The following BNC2 variants were observed in gnomAD, a reference collection of about 807,000 sequenced individuals.
The protein encoded by BNC2 is basonuclin zinc finger protein 2.
Under a neutral mutation model 76.3 loss-of-function variants are expected in BNC2, and 20 were observed. The ratio of observed to expected loss-of-function variants is 0.26; its 90% confidence interval spans 0.18 to 0.38. The LOEUF is 0.38. Ranked by LOEUF, BNC2 falls within the 10% of genes least tolerant of loss-of-function variation. The pLI is 1.00. For synonymous variants in BNC2, 582 were observed against 514.8 expected (o/e 1.13, Z -1.77); for missense variants, 1,382 against 1,399.8 (o/e 0.99, Z 0.20).
rs138893483 is a variant in BNC2 at position 16,805,335 on chromosome 9, T to C, written c.3+65311A>G. On this transcript the variant is annotated intron_variant, in intron 1 of 6. Coordinates refer to ENST00000380672, the MANE Select transcript of BNC2 (RefSeq NM_017637.6). ...AGGAAATTCATTATTTTTTTGTTGG[T>C]TTTTTTTTGAGACAGGGTTTAGCTC... Among the ~76,000 whole-genome samples the C allele has an allele frequency of 3.4e-3, 517 of 150,604 alleles. 2 individuals carry two copies. Among genetic ancestry groups the C allele is most frequent in the Non-Finnish European group, 6.0e-3 (406 of 67,528 alleles).
At chr9:16,664,183 A>G (rs529694708) in intron 3 of BNC2, among the ~76,000 whole-genome samples, 2 of 152,286 alleles carry the variant, frequency 1.3e-5, no homozygotes, top group East Asian at 3.9e-4. Context: ...TTCATCTCAA[A>G]CACTGAATTT....
chr9:16,675,240 A>G (rs886428199), intron 3 of BNC2, among the ~76,000 whole-genome samples: 1 of 150,922 alleles, frequency 6.6e-6, no homozygotes, highest in African/African-American at 2.5e-5. Flanking sequence ...CAAAACAAGG[A>G]CTAAATTGAG....
chr9:16,726,554 CTT>C (rs34085067), intron 3 of BNC2, among the ~76,000 whole-genome samples: 1 of 27,454 alleles, frequency 3.6e-5, no homozygotes, highest in African/African-American at 8.0e-5. Flanking sequence ...CAAACAAAAG[CTT>C]TTTAAAAAAA....
intron 1 of BNC2, among the ~76,000 whole-genome samples, chr9:16,773,538 C>T (rs946517550): frequency 2.7e-5 from 4 of 149,072 alleles, no homozygotes; most frequent in African/African-American, 7.4e-5. Flanking sequence ...AGGTGAGGGA[C>T]AGTGCAATAA....
At chr9:16,678,069 A>T (rs7021570) in intron 3 of BNC2, among the ~76,000 whole-genome samples, 70,046 of 151,204 alleles carry the variant, frequency 0.46, 16,559 homozygotes, top group East Asian at 0.66. Context: ...AAATAAAAAG[A>T]GAGAATAATG....
chr9:16,821,540 G>A (rs1818329917), intron 1 of BNC2, among the ~76,000 whole-genome samples: 1 of 152,172 alleles, frequency 6.6e-6, no homozygotes, highest in South Asian at 2.1e-4. Flanking sequence ...ACATGCCCTG[G>A]CAGTCAGTGT....
intron 1 of BNC2, among the ~76,000 whole-genome samples, chr9:16,812,673 C>T (rs1252826655): frequency 6.6e-6 from 1 of 152,096 alleles, no homozygotes; most frequent in Non-Finnish European, 1.5e-5. Context: ...ATTTCTCATG[C>T]CTGGAAAGTA....
chr9:16,667,889 C>A (rs1333739080), intron 3 of BNC2, among the ~76,000 whole-genome samples: 1 of 152,160 alleles, frequency 6.6e-6, no homozygotes, highest in Non-Finnish European at 1.5e-5. Context: ...ATTTGCACCC[C>A]AAAACACTAT....
At chr9:16,490,757 T>G (rs1420143213) in intron 5 of BNC2, among the ~76,000 whole-genome samples, 1 of 152,090 alleles carries the variant, frequency 6.6e-6, no homozygotes, top group Non-Finnish European at 1.5e-5. Context: ...AGAGAAACAT[T>G]TAAGAGAAGA....
intron 3 of BNC2, among the ~76,000 whole-genome samples, chr9:16,603,909 T>A (rs903283840): frequency 1.3e-5 from 2 of 152,062 alleles, no homozygotes; most frequent in African/African-American, 4.8e-5. Flanking sequence ...TCTGTCACAG[T>A]ACTGCTTAAA....
At chr9:16,857,881 T>C in intron 1 of BNC2, among the ~76,000 whole-genome samples, 1 of 152,240 alleles carries the variant, frequency 6.6e-6, no homozygotes, top group East Asian at 1.9e-4. Flanking sequence ...TTTCTTTTAA[T>C]TCAACAATGA....
chr9:16,630,902 G>A (rs1329520077), intron 3 of BNC2, among the ~76,000 whole-genome samples: 1 of 151,946 alleles, frequency 6.6e-6, no homozygotes, highest in Non-Finnish European at 1.5e-5. Context: ...ACCACGCCCA[G>A]CTAATTTTGT....
At chr9:16,617,745 A>G (rs1489228893) in intron 3 of BNC2, among the ~76,000 whole-genome samples, 2 of 152,220 alleles carry the variant, frequency 1.3e-5, no homozygotes, top group Non-Finnish European at 2.9e-5. Context: ...AGCATTTATT[A>G]TGTTTCAGGC....
chr9:16,764,739 G>GTTTTTT (rs77160699), intron 1 of BNC2, among the ~76,000 whole-genome samples: 1 of 149,404 alleles, frequency 6.7e-6, no homozygotes. Flanking sequence ...TTATTTGTCT[G>GTTTTTT]TTTTTTTTTT....
intron 5 of BNC2, among the ~76,000 whole-genome samples, chr9:16,543,788 C>T (rs1369243438): frequency 6.6e-6 from 1 of 152,138 alleles, no homozygotes; most frequent in African/African-American, 2.4e-5. Context: ...GCCTCCCCAT[C>T]ACGGTAACTT....
At chr9:16,718,262 C>T (rs970336724) in intron 3 of BNC2, among the ~76,000 whole-genome samples, 1 of 152,190 alleles carries the variant, frequency 6.6e-6, no homozygotes, top group Non-Finnish European at 1.5e-5. Flanking sequence ...GGCCAGCTTT[C>T]CGGCTGCCCG....
At chr9:16,721,121 G>C (rs1587351348) in intron 3 of BNC2, among the ~76,000 whole-genome samples, 1 of 152,250 alleles carries the variant, frequency 6.6e-6, no homozygotes, top group East Asian at 1.9e-4. Context: ...TGGATGTCAT[G>C]GCCCCAGACA....
intron 1 of BNC2, among the ~76,000 whole-genome samples, chr9:16,859,845 G>C (rs1230577975): frequency 1.3e-5 from 2 of 152,254 alleles, no homozygotes; most frequent in Admixed American, 1.3e-4. Context: ...CATGGGCCAG[G>C]CACGGCGGCT....
At chr9:16,781,495 G>A (rs568917660) in intron 1 of BNC2, among the ~76,000 whole-genome samples, 69 of 152,306 alleles carry the variant, frequency 4.5e-4, no homozygotes, top group African/African-American at 1.6e-3. Context: ...GGCGCAAGCC[G>A]CCAGGCACAG....
Sources: gnomAD v4.1 joint callset for allele counts (sites outside exome capture counted in the v4.1 genomes callset) on GRCh38, gnomAD v4.1.1 for gene constraint, MANE v1.5 for transcripts, NCBI Gene and HGNC (gene_info 2026-07-23, HGNC 2026-07-21) for gene names.